GPC5: variants seen among roughly 807,000 people sequenced by gnomAD.
The protein encoded by GPC5 is glypican-5.
In GPC5, 47 loss-of-function variants were observed where a neutral mutation model predicts 53.9. That is an observed-to-expected ratio of 0.87 (90% CI 0.69 to 1.11). GPC5 has a LOEUF of 1.11. Among genes scored for constraint, GPC5 ranks in the 50% most tolerant of loss-of-function variants. GPC5 has a pLI of 0.00. For synonymous variants in GPC5, 286 were observed against 263.3 expected (o/e 1.09, Z -0.84); for missense variants, 748 against 713.1 (o/e 1.05, Z -0.56).
chr13:91,913,927 C>G (rs752560530), intron 6 of GPC5, among the ~76,000 whole-genome samples: 1 of 152,184 alleles, frequency 6.6e-6, no homozygotes, highest in Non-Finnish European at 1.5e-5. Context: ...CAGATGTTTG[C>G]GTCAGACTCA....
intron 2 of GPC5, among the ~76,000 whole-genome samples, chr13:91,671,457 A>T (rs1470814720): frequency 6.6e-6 from 1 of 152,050 alleles, no homozygotes; most frequent in Non-Finnish European, 1.5e-5. Context: ...ATTCCTTATC[A>T]GTTCAAGAAT....
chr13:92,174,106 A>T (rs1027305707), intron 7 of GPC5, among the ~76,000 whole-genome samples: 1 of 152,150 alleles, frequency 6.6e-6, no homozygotes, highest in African/African-American at 2.4e-5. Flanking sequence ...GACCCCGTCA[A>T]AAAGAAAGGA....
intron 5 of GPC5, among the ~76,000 whole-genome samples, chr13:91,790,149 A>G (rs1280707277): frequency 6.6e-6 from 1 of 152,128 alleles, no homozygotes; most frequent in Non-Finnish European, 1.5e-5. Flanking sequence ...TTTTTTATAC[A>G]TTTTAATATT....
chr13:92,692,131 A>G (rs1357264161), intron 7 of GPC5, among the ~76,000 whole-genome samples: 1 of 152,082 alleles, frequency 6.6e-6, no homozygotes, highest in Non-Finnish European at 1.5e-5. Context: ...TACTGTATTT[A>G]TCTATCTGTT....
chr13:92,340,498 A>G (rs1275515227), intron 7 of GPC5: 1 of 152,136 alleles, frequency 6.6e-6, no homozygotes, highest in Non-Finnish European at 1.5e-5. Context: ...AGCTGGGACA[A>G]CAGGTGCTTT....
chr13:92,183,617 G>C (rs2042163100), intron 7 of GPC5, among the ~76,000 whole-genome samples: 1 of 151,970 alleles, frequency 6.6e-6, no homozygotes, highest in Non-Finnish European at 1.5e-5. Context: ...TGGAAAAACT[G>C]CTAGAATTTT....
chr13:92,233,510 G>A (rs1222700910), intron 7 of GPC5, among the ~76,000 whole-genome samples: 1 of 152,112 alleles, frequency 6.6e-6, no homozygotes, highest in Non-Finnish European at 1.5e-5. Flanking sequence ...ACCTCCTTAG[G>A]ATCTTTGGCT....
intron 2 of GPC5, among the ~76,000 whole-genome samples, chr13:91,517,945 G>A (rs559598000): frequency 4.6e-5 from 7 of 152,128 alleles, no homozygotes; most frequent in African/African-American, 9.6e-5. Flanking sequence ...TACCTCCCCC[G>A]GGCCCCTCCC....
intron 2 of GPC5, among the ~76,000 whole-genome samples, chr13:91,642,234 A>G (rs1455917185): frequency 6.6e-6 from 1 of 152,224 alleles, no homozygotes; most frequent in Non-Finnish European, 1.5e-5. Flanking sequence ...ACATTTTCTT[A>G]AAAGAGTAAT....
chr13:91,481,862 T>A (rs1274548978), intron 2 of GPC5, among the ~76,000 whole-genome samples: 2 of 152,202 alleles, frequency 1.3e-5, no homozygotes, highest in African/African-American at 4.8e-5. Context: ...TTCATTCTTC[T>A]GTCAGGGCTT....
At chr13:91,609,677 A>G (rs1444677498) in intron 2 of GPC5, among the ~76,000 whole-genome samples, 1 of 152,228 alleles carries the variant, frequency 6.6e-6, no homozygotes, top group African/African-American at 2.4e-5. Context: ...GGCTCAGGAA[A>G]GCTGGCCAGA....
intron 5 of GPC5, among the ~76,000 whole-genome samples, chr13:91,823,434 C>T (rs1268693315): frequency 6.6e-6 from 1 of 152,034 alleles, no homozygotes; most frequent in Non-Finnish European, 1.5e-5. Context: ...CATGACCAAT[C>T]ATAAATTAGA....
chr13:92,712,944 C>A (rs756316433), intron 7 of GPC5, among the ~76,000 whole-genome samples: 7 of 151,878 alleles, frequency 4.6e-5, no homozygotes, highest in Non-Finnish European at 8.8e-5. Flanking sequence ...AGGAAACCAA[C>A]CCTGCCAATA....
chr13:92,451,278 C>A (rs1878051439), intron 7 of GPC5, among the ~76,000 whole-genome samples: 1 of 152,112 alleles, frequency 6.6e-6, no homozygotes, highest in Admixed American at 6.6e-5. Flanking sequence ...GCCTGAATCA[C>A]AAATTTAGCA....
chr13:92,730,168 A>T (rs927775369), intron 7 of GPC5, among the ~76,000 whole-genome samples: 2 of 151,456 alleles, frequency 1.3e-5, no homozygotes, highest in Admixed American at 1.3e-4. Context: ...CTAAATGGAC[A>T]TCATACTTAT....
At chr13:92,363,073 C>T (rs1248221034) in intron 7 of GPC5, among the ~76,000 whole-genome samples, 2 of 151,596 alleles carry the variant, frequency 1.3e-5, no homozygotes, top group Non-Finnish European at 2.9e-5. Flanking sequence ...GTTTCACAGT[C>T]AGAAGGAAAT....
At chr13:92,069,197 C>G (rs2041190613) in intron 6 of GPC5, among the ~76,000 whole-genome samples, 1 of 151,984 alleles carries the variant, frequency 6.6e-6, no homozygotes, top group South Asian at 2.1e-4. Flanking sequence ...TTTATTGATG[C>G]TCAATATTAT....
intron 7 of GPC5, among the ~76,000 whole-genome samples, chr13:92,714,175 C>G (rs7996357): frequency 6.6e-6 from 1 of 152,092 alleles, no homozygotes; most frequent in African/African-American, 2.4e-5. Flanking sequence ...TGGAAGTCAA[C>G]AAATATAGGA....
intron 6 of GPC5, among the ~76,000 whole-genome samples, chr13:92,017,806 G>T (rs140560136): frequency 6.7e-6 from 1 of 148,960 alleles, no homozygotes; most frequent in Non-Finnish European, 1.5e-5. Flanking sequence ...GTACACACAC[G>T]CATGAGTACA....
Sources: allele counts gnomAD v4.1 joint callset (sites outside exome capture counted in the v4.1 genomes callset), GRCh38; gene constraint gnomAD v4.1.1; transcripts MANE v1.5; gene names NCBI Gene and HGNC (gene_info 2026-07-23, HGNC 2026-07-21).